KHDRBS3: variants seen among roughly 807,000 people sequenced by gnomAD.
The protein encoded by KHDRBS3 is KH domain-containing, RNA-binding, signal transduction-associated protein 3.
A neutral mutation model predicts 45.6 loss-of-function variants in KHDRBS3; 23 were observed. That is an observed-to-expected ratio of 0.50 (90% confidence interval 0.36 to 0.72). KHDRBS3 has a LOEUF of 0.72. Ranked by LOEUF, KHDRBS3 falls within the 30% of genes least tolerant of loss-of-function variation. KHDRBS3 has a pLI of 0.00. For missense variants in KHDRBS3, 352 were observed against 424.8 expected, an observed-to-expected ratio of 0.83 and a Z score of 1.51; for synonymous variants, 162 against 156.5, an observed-to-expected ratio of 1.04 and a Z score of -0.26.
intron 4 of KHDRBS3, chr8:135,656,088 T>C (rs1047479616): frequency 2.6e-5 from 4 of 152,244 alleles, no homozygotes; most frequent in Admixed American, 2.0e-4. Flanking sequence ...CTGTTTTGCA[T>C]TGTTTTCCAT....
chr8:135,629,377 CT>C (rs1161911327), intron 7 of KHDRBS3, among the ~76,000 whole-genome samples: 3 of 152,228 alleles, frequency 2.0e-5, no homozygotes, highest in Admixed American at 2.0e-4. Flanking sequence ...TGTAAGACAG[CT>C]GCAGCAGACA....
At chr8:135,548,328 C>T (rs1826411309) in intron 3 of KHDRBS3, among the ~76,000 whole-genome samples, 1 of 152,156 alleles carries the variant, frequency 6.6e-6, no homozygotes, top group Admixed American at 6.5e-5. Context: ...GTGATAAGTG[C>T]CTTGTACCAG....
At chr8:135,624,956 C>T (rs1830294748) in intron 7 of KHDRBS3, among the ~76,000 whole-genome samples, 1 of 152,148 alleles carries the variant, frequency 6.6e-6, no homozygotes, top group African/African-American at 2.4e-5. Context: ...CTTTGTTTCC[C>T]AGGTGAACCA....
At chr8:135,649,633 G>T (rs2131216531), downstream of KHDRBS3, among the ~76,000 whole-genome samples, 1 of 152,176 alleles carries the variant, frequency 6.6e-6, no homozygotes, top group South Asian at 2.1e-4. Flanking sequence ...CTCTTGTACG[G>T]AATGGGAATG....
At position 135,548,783 on chromosome 8, in the gene KHDRBS3, G is replaced by A. The variant is rs376247296; in HGVS notation, c.354G>A (p.Ala118=). 25 of 1,556,018 alleles carry A rather than the reference G, an allele frequency of 1.6e-5. No individual in the cohort carries two copies. The highest frequency in any genetic ancestry group is 1.7e-4 in the Middle Eastern group (1 of 5,860). The change falls in exon 4 of 9, where the codon GCG becomes GCA. Residue 118 remains alanine (A), a synonymous_variant. Coordinates refer to ENST00000355849, the MANE Select transcript of KHDRBS3 (RefSeq NM_006558.3). ...KEEELRKSGE[A]KYFHLNDDLH... Reference sequence around the variant, plus strand: ...AAGAGTTGAGGAAAAGTGGAGAAGCGAAGTACTTCCATCTCAATGATGATC... The same window carrying A: ...AAGAGTTGAGGAAAAGTGGAGAAGCAAAGTACTTCCATCTCAATGATGATC...
chr8:135,506,679 GGCGTGA>G (rs1296799696), intron 1 of KHDRBS3, among the ~76,000 whole-genome samples: 4 of 152,124 alleles, frequency 2.6e-5, no homozygotes, highest in Admixed American at 1.3e-4. Context: ...TTGGATTACA[GGCGTGA>G]GCCACTGCAC....
chr8:135,582,094 A>ACAC (rs769439853), intron 6 of KHDRBS3, 21 bp downstream of exon 6: 2 of 1,511,376 alleles, frequency 1.3e-6, no homozygotes, highest in Non-Finnish European at 1.8e-6. Flanking sequence ...GTGTCAGACA[A>ACAC]CAGCCTTGTT....
chr8:135,632,142 A>T (rs1469713700), intron 7 of KHDRBS3, among the ~76,000 whole-genome samples: 1 of 152,114 alleles, frequency 6.6e-6, no homozygotes, highest in Non-Finnish European at 1.5e-5. Flanking sequence ...TCTTCACTTG[A>T]TCTTCTTCTA....
intron 1 of KHDRBS3, among the ~76,000 whole-genome samples, chr8:135,463,108 C>G (rs1821514846): frequency 6.6e-6 from 1 of 152,156 alleles, no homozygotes; most frequent in South Asian, 2.1e-4. Context: ...GTGTGATCCT[C>G]ATCACACTGC....
At chr8:135,502,412 C>G (rs1807224819) in intron 1 of KHDRBS3, among the ~76,000 whole-genome samples, 1 of 152,152 alleles carries the variant, frequency 6.6e-6, no homozygotes, top group African/African-American at 2.4e-5. Context: ...TCCACATATC[C>G]AAGCCCATTT....
chr8:135,641,878 G>T (rs960734910), intron 7 of KHDRBS3, among the ~76,000 whole-genome samples: 1 of 152,200 alleles, frequency 6.6e-6, no homozygotes, highest in Non-Finnish European at 1.5e-5. Context: ...AAGCAGGAAA[G>T]CCGTGTTTTT....
intron 2 of KHDRBS3, chr8:135,538,590 T>C (rs911097624): frequency 2.6e-5 from 4 of 152,202 alleles, no homozygotes; most frequent in Non-Finnish European, 4.4e-5. Context: ...TTATCTGATA[T>C]TTTATTCTTC....
chr8:135,521,365 T>G lies in KHDRBS3; in HGVS notation c.207+10T>G. 1 of 1,435,910 alleles carries G rather than the reference T, an allele frequency of 7.0e-7. No homozygotes were observed. Among genetic ancestry groups the G allele is most frequent in the African/African-American group, 1.4e-5 (1 of 71,258 alleles). The allele number at this position is 1,435,910 out of a possible 1,614,324, so 88.9% of individuals were successfully genotyped here. A position where few individuals can be genotyped will look rare whatever the true frequency, so the allele number is the denominator to read the frequency against. ...AAAACAGTTCCCTAAGGTAAGACAG[T>G]GAGGTCTACACTGCAGGTATTTTAA... On this transcript the variant is annotated intron_variant, in intron 2 of 8. Coordinates refer to ENST00000355849, the MANE Select transcript of KHDRBS3 (RefSeq NM_006558.3).
intron 1 of KHDRBS3, among the ~76,000 whole-genome samples, chr8:135,480,563 G>A (rs1822511179): frequency 6.6e-6 from 1 of 151,998 alleles, no homozygotes. Flanking sequence ...AGTACCACCT[G>A]TACAAATGTC....
At chr8:135,497,838 G>A (rs374911750) in intron 1 of KHDRBS3, among the ~76,000 whole-genome samples, 2 of 152,098 alleles carry the variant, frequency 1.3e-5, no homozygotes, top group Non-Finnish European at 2.9e-5. Context: ...ATCTGAGGTC[G>A]TAAAAAGCTA....
At chr8:135,605,232 A>G (rs1287942170) in intron 6 of KHDRBS3, among the ~76,000 whole-genome samples, 2 of 151,232 alleles carry the variant, frequency 1.3e-5, no homozygotes, top group Admixed American at 6.6e-5. Flanking sequence ...ATTCCTTTCT[A>G]TTTTTTCCTT....
chr8:135,592,288 A>AC (rs973290587), intron 6 of KHDRBS3, among the ~76,000 whole-genome samples: 4 of 152,092 alleles, frequency 2.6e-5, no homozygotes, highest in African/African-American at 9.7e-5. Flanking sequence ...CAACAACAAA[A>AC]CACCTTATCA....
intron 5 of KHDRBS3, among the ~76,000 whole-genome samples, chr8:135,566,635 A>C (rs546660980): frequency 1.3e-5 from 2 of 152,240 alleles, no homozygotes; most frequent in Admixed American, 6.5e-5. Flanking sequence ...TGGGAAGATC[A>C]CTTGAGCCCA....
At chr8:135,519,906 G>A (rs1220868405) in intron 1 of KHDRBS3, among the ~76,000 whole-genome samples, 1 of 152,138 alleles carries the variant, frequency 6.6e-6, no homozygotes, top group Non-Finnish European at 1.5e-5. Context: ...CAGGCCCAAA[G>A]CCTCTAGCTT....
Sources: allele counts gnomAD v4.1 joint callset (sites outside exome capture counted in the v4.1 genomes callset), GRCh38; gene constraint gnomAD v4.1.1; transcripts MANE v1.5; gene names NCBI Gene and HGNC (gene_info 2026-07-23, HGNC 2026-07-21).